The following MED12L variants were observed in gnomAD, a reference collection of about 807,000 sequenced individuals.
The protein encoded by MED12L is mediator complex subunit 12L.
Under a neutral mutation model 281.3 loss-of-function variants are expected in MED12L, and 60 were observed. The ratio of observed to expected loss-of-function variants is 0.21; its 90% confidence interval spans 0.17 to 0.26. The LOEUF is 0.26. MED12L is among the 10% of genes least tolerant of loss of function. The probability of loss-of-function intolerance (pLI) is 1.00; values close to 1 mark genes in which losing one functional copy is unlikely to be tolerated. For synonymous variants in MED12L, 974 were observed against 987.2 expected (o/e 0.99, Z 0.25); for missense variants, 2,146 against 2,680.9 (o/e 0.80, Z 4.41).
intron 2 of MED12L, among the ~76,000 whole-genome samples, chr3:151,111,396 G>T (rs1349658692): frequency 6.6e-6 from 1 of 152,146 alleles, no homozygotes; most frequent in Non-Finnish European, 1.5e-5. Flanking sequence ...AGATAACATG[G>T]TAGAAACTAT....
At chr3:151,247,331 T>C (rs370983058) in intron 16 of MED12L, among the ~76,000 whole-genome samples, 1 of 152,018 alleles carries the variant, frequency 6.6e-6, no homozygotes, top group South Asian at 2.1e-4. Context: ...TATTGTGGCA[T>C]TATTCACAAT....
chr3:151,407,499 C>T (rs904590019), intron 39 of MED12L, among the ~76,000 whole-genome samples: 35 of 152,084 alleles, frequency 2.3e-4, no homozygotes, highest in Non-Finnish European at 4.1e-4. Flanking sequence ...TGCTAGTGTC[C>T]AGGAGTGGTC....
intron 8 of MED12L, 65 bp from the exon 9 acceptor site, chr3:151,163,828 T>TCG: frequency 1.0e-5 from 15 of 1,498,280 alleles, no homozygotes; most frequent in Middle Eastern, 2.0e-4. Flanking sequence ...TCGTTTTTAC[T>TCG]GTTTAGCTAT....
At chr3:151,120,240 C>T (rs761368846) in intron 3 of MED12L, among the ~76,000 whole-genome samples, 6 of 150,860 alleles carry the variant, frequency 4.0e-5, no homozygotes, top group African/African-American at 1.2e-4. Flanking sequence ...AAAAACAAAA[C>T]GAAAAACCAA....
intron 8 of MED12L, 140 bp from the exon 9 acceptor site, chr3:151,163,752 TG>T (rs2148970102): frequency 2.9e-6 from 2 of 686,932 alleles, no homozygotes; most frequent in Non-Finnish European, 4.4e-6. Context: ...AAGTTGAGAA[TG>T]GGGTAAGACA....
At chr3:151,169,726 C>T (rs947446055) in intron 11 of MED12L, among the ~76,000 whole-genome samples, 4 of 152,144 alleles carry the variant, frequency 2.6e-5, no homozygotes, top group African/African-American at 2.4e-5. Flanking sequence ...TAAGGAGTTA[C>T]GTGTGGTTAG....
intron 16 of MED12L, chr3:151,248,806 A>G (rs1430134419): frequency 6.6e-6 from 1 of 152,154 alleles, no homozygotes; most frequent in African/African-American, 2.4e-5. Flanking sequence ...GCCATTTTAC[A>G]TTGTAATCAC....
At chr3:151,161,589 G>A (rs539730841) in intron 8 of MED12L, among the ~76,000 whole-genome samples, 79 of 152,270 alleles carry the variant, frequency 5.2e-4, no homozygotes, top group African/African-American at 1.9e-3. Flanking sequence ...AATTATATTA[G>A]CGTATGGATA....
In MED12L at chr3:151,338,669, A is replaced by G. The variant is rs1252629428; in HGVS notation, c.2251-11390A>G. 5.0e-6 allele frequency: 8 copies of G among 1,613,778 alleles called. No homozygotes were observed. Among genetic ancestry groups the G allele is most frequent in the Admixed American group, 1.7e-5 (1 of 59,892 alleles). On this transcript the variant is annotated intron_variant, in intron 16 of 44. Coordinates refer to ENST00000687756, the MANE Select transcript of MED12L (RefSeq NM_001393769.1). ...TGACTGTGTTCTTAAGAAAAATAAT[A>G]AAGTTTGATTTACTCCGGATTTGAA...
chr3:151,354,824 A>G (rs1753711239), intron 17 of MED12L, among the ~76,000 whole-genome samples: 1 of 152,200 alleles, frequency 6.6e-6, no homozygotes, highest in East Asian at 1.9e-4. Flanking sequence ...GAAAGCATAT[A>G]CTATATGATT....
At chr3:151,394,063 G>A (rs760548105) in intron 38 of MED12L, among the ~76,000 whole-genome samples, 7 of 151,958 alleles carry the variant, frequency 4.6e-5, no homozygotes, top group East Asian at 1.9e-4. Context: ...CTTAAGCATC[G>A]GTATAATAGT....
chr3:151,180,492 C>T (rs1220600540), intron 11 of MED12L, among the ~76,000 whole-genome samples: 6 of 152,116 alleles, frequency 3.9e-5, no homozygotes, highest in East Asian at 3.8e-4. Flanking sequence ...CCATGCCTAC[C>T]GTATTATGGG....
At chr3:151,098,401 A>G (rs559033709) in intron 2 of MED12L, among the ~76,000 whole-genome samples, 1 of 152,224 alleles carries the variant, frequency 6.6e-6, no homozygotes, top group Non-Finnish European at 1.5e-5. Flanking sequence ...ACATTCGCTC[A>G]TTCCCTCACA....
chr3:151,087,051 C>T (rs1560031282), intron 2 of MED12L, 26 bp downstream of exon 2: 2 of 1,566,264 alleles, frequency 1.3e-6, no homozygotes, highest in Non-Finnish European at 1.7e-6. Flanking sequence ...GCCTCCCCGG[C>T]AACCGGGGCC....
At chr3:151,249,868 C>A (rs1206899388) in intron 16 of MED12L, among the ~76,000 whole-genome samples, 1 of 152,152 alleles carries the variant, frequency 6.6e-6, no homozygotes, top group Non-Finnish European at 1.5e-5. Flanking sequence ...AGGCCTGAGT[C>A]TCCTATACTC....
intron 12 of MED12L, 67 bp downstream of exon 12, chr3:151,185,528 T>C (rs1723153654): frequency 1.3e-6 from 2 of 1,543,770 alleles, no homozygotes; most frequent in South Asian, 2.3e-5. Context: ...GGGAAGATCA[T>C]TTTCTCTTAC....
At chr3:151,235,926 T>C (rs546217142) in intron 16 of MED12L, among the ~76,000 whole-genome samples, 9 of 152,260 alleles carry the variant, frequency 5.9e-5, no homozygotes, top group African/African-American at 1.7e-4. Flanking sequence ...TGTTTTCTCT[T>C]GTCTCCCTTT....
intron 16 of MED12L, among the ~76,000 whole-genome samples, chr3:151,246,396 C>T (rs1424451362): frequency 2.6e-5 from 4 of 151,976 alleles, no homozygotes; most frequent in Admixed American, 2.0e-4. Flanking sequence ...GTAACCAAAA[C>T]AGCATGGTAC....
intron 4 of MED12L, among the ~76,000 whole-genome samples, chr3:151,125,768 A>G (rs998802698): frequency 2.6e-5 from 4 of 152,190 alleles, no homozygotes; most frequent in African/African-American, 7.2e-5. Context: ...CTTGTGCTCC[A>G]TGAGAGATGT....
Sources: allele counts gnomAD v4.1 joint callset (sites outside exome capture counted in the v4.1 genomes callset), GRCh38; gene constraint gnomAD v4.1.1; transcripts MANE v1.5; gene names NCBI Gene and HGNC (gene_info 2026-07-23, HGNC 2026-07-21).